RBM27: variants seen among roughly 807,000 people sequenced by gnomAD.
RBM27 encodes RNA binding motif protein 27.
In RBM27, 22 loss-of-function variants were observed where a neutral mutation model predicts 135.3. The ratio of observed to expected loss-of-function variants is 0.16; its 90% CI spans 0.12 to 0.23. The LOEUF (loss-of-function observed/expected upper bound fraction) is 0.23, where lower values mean the gene tolerates loss of function less well. RBM27 is among the 10% of genes least tolerant of loss of function. The pLI, the probability that RBM27 is intolerant of heterozygous loss-of-function variation, is 1.00. For missense variants in RBM27, 1,009 were observed against 1,281.0 expected (o/e 0.79, Z 3.24); for synonymous variants, 481 against 442.4 (o/e 1.09, Z -1.10).
intron 7 of RBM27, among the ~76,000 whole-genome samples, chr5:146,233,985 A>C (rs1757058733): frequency 6.6e-6 from 1 of 152,146 alleles, no homozygotes; most frequent in South Asian, 2.1e-4. Context: ...CCTGCAGTCA[A>C]ATCTAGTTAT....
At chr5:146,239,381 C>A (rs1022364170) in intron 8 of RBM27, among the ~76,000 whole-genome samples, 1 of 151,436 alleles carries the variant, frequency 6.6e-6, no homozygotes, top group South Asian at 2.1e-4. Flanking sequence ...ATGAAAGTTC[C>A]TTATGAGAAC....
intron 8 of RBM27, among the ~76,000 whole-genome samples, chr5:146,240,347 T>C (rs1757356327): frequency 6.6e-6 from 1 of 151,908 alleles, no homozygotes; most frequent in African/African-American, 2.4e-5. Flanking sequence ...TGTCTGTCTA[T>C]CTAGAGTCTC....
intron 10 of RBM27, among the ~76,000 whole-genome samples, chr5:146,256,507 A>G (rs1047556788): frequency 6.6e-6 from 1 of 150,892 alleles, no homozygotes; most frequent in African/African-American, 2.4e-5. Flanking sequence ...GCACCACCAC[A>G]ACCCTGCTAA....
intron 7 of RBM27, among the ~76,000 whole-genome samples, chr5:146,236,245 C>T (rs1757154748): frequency 6.6e-6 from 1 of 152,224 alleles, no homozygotes; most frequent in South Asian, 2.1e-4. Flanking sequence ...CTAGGTTCTA[C>T]AATTAGCATT....
intron 1 of RBM27, among the ~76,000 whole-genome samples, chr5:146,214,054 A>G (rs892820807): frequency 1.3e-5 from 2 of 152,232 alleles, no homozygotes; most frequent in Non-Finnish European, 2.9e-5. Flanking sequence ...GTACATTAGA[A>G]AAAGACATGG....
chr5:146,242,937 T>C (rs1486497962), intron 8 of RBM27, among the ~76,000 whole-genome samples: 1 of 152,154 alleles, frequency 6.6e-6, no homozygotes, highest in Non-Finnish European at 1.5e-5. Context: ...ATATTTCTAA[T>C]AAGTTTTTAA....
At chr5:146,259,840 G>A (rs945063181) in intron 11 of RBM27, among the ~76,000 whole-genome samples, 1 of 150,636 alleles carries the variant, frequency 6.6e-6, no homozygotes, top group Non-Finnish European at 1.5e-5. Flanking sequence ...GGGCGCAGTG[G>A]CGGGCGCCTG....
intron 14 of RBM27, among the ~76,000 whole-genome samples, chr5:146,266,399 TTAATA>T (rs1475891394): frequency 6.6e-6 from 1 of 152,176 alleles, no homozygotes; most frequent in Non-Finnish European, 1.5e-5. Flanking sequence ...TACATGGACT[TTAATA>T]GATCCCATTT....
At chr5:146,248,365 T>C (rs1046870850) in intron 8 of RBM27, among the ~76,000 whole-genome samples, 3 of 152,180 alleles carry the variant, frequency 2.0e-5, no homozygotes, top group Non-Finnish European at 4.4e-5. Context: ...ATTAGCCCTT[T>C]GTCTAAAGAA....
At chr5:146,238,334 A>C (rs1023513326) in intron 8 of RBM27, among the ~76,000 whole-genome samples, 1 of 151,782 alleles carries the variant, frequency 6.6e-6, no homozygotes, top group Non-Finnish European at 1.5e-5. Flanking sequence ...CATGGAGAAA[A>C]CCCGTCTCTA....
Position 146,218,971 on chromosome 5 carries a change from C to T in RBM27, c.60-14C>T, listed in dbSNP as rs750067570. 10 of 1,540,988 alleles carry T rather than the reference C, an allele frequency of 6.5e-6. No individual in the cohort carries two copies. Among genetic ancestry groups the T allele is most frequent in the East Asian group, 2.3e-5 (1 of 43,504 alleles). On this transcript the variant is annotated splice_polypyrimidine_tract_variant and intron_variant, in intron 1 of 20. Transcript: ENST00000265271. ...GTGTTTTTTAAAATTTTTGTTTTCT[C>T]TTTGTCTAACTAGATGTGATGCTGA...
chr5:146,274,320 G>A (rs1758996954), intron 19 of RBM27, among the ~76,000 whole-genome samples: 1 of 151,376 alleles, frequency 6.6e-6, no homozygotes, highest in Non-Finnish European at 1.5e-5. Context: ...GTAGTGGCAT[G>A]ATCTTAGCTC....
chr5:146,277,603 A>G (rs561289136), intron 19 of RBM27, among the ~76,000 whole-genome samples: 18 of 148,060 alleles, frequency 1.2e-4, no homozygotes, highest in African/African-American at 4.5e-4. Flanking sequence ...GCTCCCTGCA[A>G]CCTCCACCTC....
Position 146,218,181 on chromosome 5 carries a change from C to T in RBM27, c.60-804C>T, listed in dbSNP as rs555331763. 5.3e-5 allele frequency among the ~76,000 whole-genome samples: 8 copies of T among 152,180 alleles called. No individual in the cohort carries two copies. In the East Asian group the frequency reaches 1.4e-3, roughly 26 times the overall value. ...TATATATATGTTTACAACAAGAAAA[C>T]TAAAAGTTTCATGTGATGTACATAA... On this transcript the variant is annotated intron_variant, in intron 1 of 20. Coordinates refer to ENST00000265271, the MANE Select transcript of RBM27 (RefSeq NM_018989.2).
intron 1 of RBM27, among the ~76,000 whole-genome samples, chr5:146,213,085 A>T (rs1756035617): frequency 6.6e-6 from 1 of 151,430 alleles, no homozygotes; most frequent in Non-Finnish European, 1.5e-5. Context: ...ACTACTGGTC[A>T]GAGAATATGG....
intron 1 of RBM27, among the ~76,000 whole-genome samples, chr5:146,206,133 A>T (rs1198051740): frequency 6.6e-6 from 1 of 152,174 alleles, no homozygotes; most frequent in Non-Finnish European, 1.5e-5. Context: ...AAAACAACCT[A>T]CTTTCCAGAC....
intron 1 of RBM27, among the ~76,000 whole-genome samples, chr5:146,205,923 G>T (rs1017528820): frequency 6.6e-6 from 1 of 152,100 alleles, no homozygotes; most frequent in African/African-American, 2.4e-5. Context: ...GGAGGCTGAG[G>T]CAGAAGAATC....
rs188241080 is a variant in RBM27 at position 146,217,069 on chromosome 5, C to T, written c.60-1916C>T. The stretch of plus-strand genomic sequence containing the variant: ...GCAACCTCTGCCTCCCGGGTTCAAG[C>T]GATTCTCCTGCCTCAGCCTCTGGAG... On this transcript the variant is annotated intron_variant, in intron 1 of 20. Transcript: ENST00000265271. Among the ~76,000 whole-genome samples the T allele has an allele frequency of 3.8e-4, 58 of 152,098 alleles. 1 individual carries two copies. In the East Asian group the frequency reaches 9.9e-3, roughly 26 times the overall value.
At chr5:146,258,735 G>T in intron 11 of RBM27, 142 bp downstream of exon 11, 1 of 671,534 alleles carries the variant, frequency 1.5e-6, no homozygotes, top group South Asian at 6.6e-5. Flanking sequence ...TCTTTAGAAT[G>T]TTGTAAAAAT....
Sources: allele counts gnomAD v4.1 joint callset (sites outside exome capture counted in the v4.1 genomes callset), GRCh38; gene constraint gnomAD v4.1.1; transcripts MANE v1.5; gene names NCBI Gene and HGNC (gene_info 2026-07-23, HGNC 2026-07-21).